Variants in ATP6V0A1 observed in about 807,000 individuals in gnomAD.
ATP6V0A1 encodes V-type proton ATPase 116 kDa subunit a 1.
A neutral mutation model predicts 105.4 loss-of-function variants in ATP6V0A1; 43 were observed. The observed-to-expected ratio is 0.41, with a 90% confidence interval of 0.32 to 0.53. The LOEUF (loss-of-function observed/expected upper bound fraction) is 0.53, where lower values mean the gene tolerates loss of function less well. ATP6V0A1 is among the 20% of genes least tolerant of loss of function. ATP6V0A1 has a pLI of 0.30. For missense variants in ATP6V0A1, 676 were observed against 1,051.1 expected (o/e 0.64, Z 4.93); for synonymous variants, 362 against 372.8 (o/e 0.97, Z 0.33).
chr17:42,468,843 C>CTATTT (rs10531131), intron 4 of ATP6V0A1, among the ~76,000 whole-genome samples: 4,827 of 150,884 alleles, frequency 0.032, 128 homozygotes, highest in African/African-American at 0.067. Flanking sequence ...AAGTTATCTA[C>CTATTT]TATTTTATTT....
Position 42,470,092 on chromosome 17 carries a change from C to A in ATP6V0A1, c.297C>A (p.Ala99=). 3 of 1,601,010 alleles carry A rather than the reference C, an allele frequency of 1.9e-6. No homozygotes were observed. Among genetic ancestry groups the A allele is most frequent in the Non-Finnish European group, 2.6e-6 (3 of 1,172,740 alleles). The change falls in exon 5 of 22, where the codon GCC becomes GCA. Residue 99 remains alanine (A), a splice_region_variant and synonymous_variant. Transcript: ENST00000343619. ...PFPRDMIDLE[A]NFEKIENELK... The stretch of plus-strand genomic sequence containing the variant: ...ATATATTTTCTTATTTCATCTAGGC[C>A]AATTTTGAGAAGATTGAAAATGAAC...
chr17:42,491,498 G>A (rs1333066578), intron 11 of ATP6V0A1, among the ~76,000 whole-genome samples: 1 of 149,476 alleles, frequency 6.7e-6, no homozygotes, highest in African/African-American at 2.5e-5. Context: ...ATTTTTTTTA[G>A]GTGAGACAGA....
intron 8 of ATP6V0A1, 100 bp from the exon 9 acceptor site, chr17:42,482,938 C>A: frequency 9.6e-6 from 5 of 522,654 alleles, no homozygotes; most frequent in African/African-American, 2.0e-5. Flanking sequence ...ATACATCGGT[C>A]TGACCTAATC....
At chr17:42,495,988 C>T (rs1346310431) in intron 14 of ATP6V0A1, 3 of 256,536 alleles carry the variant, frequency 1.2e-5, no homozygotes, top group Non-Finnish European at 2.2e-5. Flanking sequence ...AGGAGAATCG[C>T]TTGAACCTGG....
chr17:42,465,452 G>A (rs1278847766), intron 2 of ATP6V0A1, among the ~76,000 whole-genome samples: 20 of 151,076 alleles, frequency 1.3e-4, no homozygotes, highest in African/African-American at 4.4e-4. Flanking sequence ...TACCATGCCC[G>A]GCTAATTTTG....
At chr17:42,506,639 T>C (rs16967801) in intron 17 of ATP6V0A1, among the ~76,000 whole-genome samples, 1,594 of 152,364 alleles carry the variant, frequency 0.01, 39 homozygotes, top group African/African-American at 0.036. Flanking sequence ...AAATTCCTTT[T>C]CACGCTGTGG....
intron 21 of ATP6V0A1, 100 bp downstream of exon 21, chr17:42,514,560 A>C (rs771892850): frequency 1.6e-4 from 202 of 1,243,216 alleles, no homozygotes; most frequent in Non-Finnish European, 2.1e-4. Context: ...AGCTCTGTGC[A>C]GGAAAGATGA....
At chr17:42,505,000 T>C (rs555430880) in intron 17 of ATP6V0A1, among the ~76,000 whole-genome samples, 1 of 152,270 alleles carries the variant, frequency 6.6e-6, no homozygotes, top group South Asian at 2.1e-4. Flanking sequence ...TTTTAAAAGT[T>C]AGTGTATCTT....
At chr17:42,468,562 G>A (rs953028921) in intron 4 of ATP6V0A1, among the ~76,000 whole-genome samples, 3 of 151,992 alleles carry the variant, frequency 2.0e-5, no homozygotes, top group Non-Finnish European at 4.4e-5. Context: ...CATAGCCTCT[G>A]GTATCTATCA....
chr17:42,504,001 C>T (rs1567859264), intron 17 of ATP6V0A1, among the ~76,000 whole-genome samples: 1 of 152,214 alleles, frequency 6.6e-6, no homozygotes, highest in Non-Finnish European at 1.5e-5. Flanking sequence ...GTGCTTCTGA[C>T]AAGATCTTAA....
chr17:42,503,777 A>T (rs144370270), intron 17 of ATP6V0A1, among the ~76,000 whole-genome samples: 25 of 152,300 alleles, frequency 1.6e-4, no homozygotes, highest in African/African-American at 6.0e-4. Context: ...TCTTATGGTC[A>T]TCCTTCTGGA....
At chr17:42,476,232 C>T (rs1368912473) in intron 5 of ATP6V0A1, among the ~76,000 whole-genome samples, 3 of 152,214 alleles carry the variant, frequency 2.0e-5, no homozygotes, top group African/African-American at 7.2e-5. Context: ...CAGTATTTCT[C>T]TGCACTTCTG....
intron 4 of ATP6V0A1, 122 bp from the exon 5 acceptor site, chr17:42,469,968 A>T: frequency 9.8e-7 from 1 of 1,018,352 alleles, no homozygotes; most frequent in Non-Finnish European, 1.4e-6. Context: ...AGTATTTGCT[A>T]GGCAAGTCCA....
chr17:42,492,188 G>C (rs2090708534), intron 11 of ATP6V0A1, among the ~76,000 whole-genome samples: 1 of 151,088 alleles, frequency 6.6e-6, no homozygotes, highest in Non-Finnish European at 1.5e-5. Flanking sequence ...GGCCAACATG[G>C]TGAAACCCTG....
chr17:42,495,871 G>A lies in ATP6V0A1; in HGVS notation c.1560+155G>A, dbSNP rs924637542. On this transcript the variant is annotated intron_variant, in intron 14 of 21. Transcript: ENST00000343619. Reference sequence around the variant, plus strand: ...AGCACTTTGGGAGGCCGAGGAGGTGGGATCACCTGAGGTCAGCATGGTGAA... The same window carrying A: ...AGCACTTTGGGAGGCCGAGGAGGTGAGATCACCTGAGGTCAGCATGGTGAA... 1.4e-5 allele frequency: 9 copies of A among 627,400 alleles called. No homozygotes were observed. The African/African-American group carries it at 1.5e-4, about 10-fold the overall frequency. 38.9% of individuals were successfully genotyped at this position (627,400 alleles called of 1,614,324 possible).
At chr17:42,488,971 T>C (rs62075825) in intron 10 of ATP6V0A1, among the ~76,000 whole-genome samples, 136,740 of 145,200 alleles carry the variant, frequency 0.94, 65,006 homozygotes, top group East Asian at 1. Flanking sequence ...GCTGAGATCA[T>C]GCCACTGCAC....
intron 21 of ATP6V0A1, chr17:42,520,467 T>C (rs775844713): frequency 4.4e-6 from 2 of 456,626 alleles, no homozygotes; most frequent in East Asian, 7.0e-5. Context: ...TCAGATGTTT[T>C]TGTGGTTGGA....
At chr17:42,480,804 G>C in intron 8 of ATP6V0A1, 55 bp downstream of exon 8, 8 of 1,518,576 alleles carry the variant, frequency 5.3e-6, no homozygotes, top group Non-Finnish European at 7.2e-6. Context: ...CAACTGTTGA[G>C]TCTTAAAGTT....
chr17:42,482,435 C>T (rs2089632011), intron 8 of ATP6V0A1, among the ~76,000 whole-genome samples: 2 of 152,186 alleles, frequency 1.3e-5, no homozygotes, highest in Admixed American at 6.5e-5. Flanking sequence ...GCGTGAGCCA[C>T]TGCACCTGGT....
Sources: gnomAD v4.1 joint callset for allele counts (sites outside exome capture counted in the v4.1 genomes callset) on GRCh38, gnomAD v4.1.1 for gene constraint, MANE v1.5 for transcripts, NCBI Gene and HGNC (gene_info 2026-07-23, HGNC 2026-07-21) for gene names.